The following MYL12B variants were observed in gnomAD, a reference collection of about 807,000 sequenced individuals.
MYL12B encodes the protein myosin light chain 12B, also known as myosin regulatory light chain 12B.
In MYL12B, 3 loss-of-function variants were observed where a neutral mutation model predicts 12.9. The ratio of observed to expected loss-of-function variants is 0.23; its 90% CI spans 0.11 to 0.60. MYL12B has a LOEUF of 0.60. Among genes scored for constraint, MYL12B ranks in the 20% least tolerant of loss-of-function variants. MYL12B has a pLI of 0.89. For missense variants in MYL12B, 120 were observed against 215.4 expected (o/e 0.56, Z 2.77); for synonymous variants, 57 against 71.9 (o/e 0.79, Z 1.05).
chr18:3,277,260 T>C lies in MYL12B; in HGVS notation c.192T>C (p.Asn64=). The change falls in exon 3 of 4, where the codon AAT becomes AAC. Residue 64 remains asparagine (N), a synonymous_variant. Coordinates refer to ENST00000237500, the MANE Select transcript of MYL12B (RefSeq NM_033546.4). ...LHDMLASLGK[N]PTDAYLDAMM... ...AAATGTGTATTCTTACAGGGAAGAA[T>C]CCCACTGATGCATACCTTGATGCCA... 6.3e-7 allele frequency: 1 copy of C among 1,587,790 alleles called. No individual in the cohort carries two copies. The highest frequency in any genetic ancestry group is 8.6e-7 in the Non-Finnish European group (1 of 1,168,298).
At chr18:3,265,377 A>G (rs1341243677) in intron 1 of MYL12B, among the ~76,000 whole-genome samples, 1 of 152,234 alleles carries the variant, frequency 6.6e-6, no homozygotes, top group East Asian at 1.9e-4. Flanking sequence ...AGTAATAACC[A>G]TAAGAATCCA....
chr18:3,274,115 G>C (rs1027981483), intron 2 of MYL12B, among the ~76,000 whole-genome samples: 26 of 152,196 alleles, frequency 1.7e-4, no homozygotes, highest in East Asian at 1.9e-4. Flanking sequence ...TAGAATCAAA[G>C]ATTTTTATCT....
At chr18:3,276,420 A>T in intron 2 of MYL12B, 1 of 984,628 alleles carries the variant, frequency 1.0e-6, no homozygotes, top group Non-Finnish European at 1.2e-6. Flanking sequence ...GGGAAAGGTC[A>T]GGGGAGTTCC....
intron 2 of MYL12B, 131 bp downstream of exon 2, chr18:3,273,213 G>C (rs1237697906): frequency 2.9e-6 from 3 of 1,044,894 alleles, no homozygotes; most frequent in Non-Finnish European, 3.9e-6. Context: ...TTCTGGGTGT[G>C]GGAGGTGCTA....
At chr18:3,263,503 T>G (rs1470592150) in intron 1 of MYL12B, among the ~76,000 whole-genome samples, 1 of 152,238 alleles carries the variant, frequency 6.6e-6, no homozygotes, top group Non-Finnish European at 1.5e-5. Flanking sequence ...ACAGCTTTTA[T>G]GATGGCTGAC....
rs57723482 is a variant in MYL12B at position 3,273,861 on chromosome 18, T to TTTTC, written c.184+779_184+780insTTTC. Among the ~76,000 whole-genome samples, 992 of 142,978 alleles carry TTTTC rather than the reference T, an allele frequency of 6.9e-3. 3 individuals are homozygous for TTTTC. The highest frequency in any genetic ancestry group is 0.019 in the South Asian group (88 of 4,692). 93.8% of individuals were successfully genotyped at this position (142,978 alleles called of 152,430 possible). ...AAGAAAGAGGTGGGGGTTTTTTTTT[T>TTTTC]CTCTCTTTTAATGCCTACAAAATGA... On this transcript the variant is annotated intron_variant, in intron 2 of 3. Transcript: ENST00000237500.
At chr18:3,266,431 A>ATCTTATTGTCACAATG in intron 1 of MYL12B, among the ~76,000 whole-genome samples, 1 of 152,226 alleles carries the variant, frequency 6.6e-6, no homozygotes, top group Non-Finnish European at 1.5e-5. Flanking sequence ...TTGTCACAAT[A>ATCTTATTGTCACAATG]TCTTACTGGT....
At chr18:3,265,472 C>T (rs1188217201) in intron 1 of MYL12B, among the ~76,000 whole-genome samples, 1 of 152,170 alleles carries the variant, frequency 6.6e-6, no homozygotes, top group African/African-American at 2.4e-5. Context: ...AAGAACTACT[C>T]TCTGCTTTTC....
chr18:3,272,798 A>G (rs2081691654), intron 1 of MYL12B, 86 bp from the exon 2 acceptor site: 1 of 1,195,956 alleles, frequency 8.4e-7, no homozygotes, highest in Non-Finnish European at 1.1e-6. Flanking sequence ...ATTTTTACCT[A>G]CAGACTTTAG....
chr18:3,270,639 A>C (rs2144358782), intron 1 of MYL12B, among the ~76,000 whole-genome samples: 1 of 145,462 alleles, frequency 6.9e-6, no homozygotes, highest in South Asian at 2.2e-4. Context: ...TAACTGTAGA[A>C]GTAGCATGAT....
intron 2 of MYL12B, chr18:3,276,374 G>A (rs1224218596): frequency 1.0e-6 from 1 of 973,816 alleles, no homozygotes; most frequent in East Asian, 1.2e-4. Flanking sequence ...CTCCCACCAT[G>A]TCTGGCCATT....
At chr18:3,276,387 A>G (rs2081731618) in intron 2 of MYL12B, 12 of 982,248 alleles carry the variant, frequency 1.2e-5, no homozygotes, top group Admixed American at 6.2e-5. Flanking sequence ...TGGCCATTCC[A>G]GGGAGATTTC....
chr18:3,262,319 C>G (rs1457045867), intron 1 of MYL12B, 82 bp downstream of exon 1: 2 of 152,192 alleles, frequency 1.3e-5, no homozygotes, highest in Non-Finnish European at 2.9e-5. Flanking sequence ...CGCGCGCCTG[C>G]GGCCGGACCC....
At chr18:3,275,946 G>A (rs1038461519) in intron 2 of MYL12B, among the ~76,000 whole-genome samples, 2 of 152,080 alleles carry the variant, frequency 1.3e-5, no homozygotes, top group Non-Finnish European at 2.9e-5. Context: ...TGAAATAGAT[G>A]CCAACATGAT....
chr18:3,269,058 C>G (rs779084572), intron 1 of MYL12B, among the ~76,000 whole-genome samples: 3 of 152,056 alleles, frequency 2.0e-5, no homozygotes, highest in Non-Finnish European at 2.9e-5. Context: ...GGCATGGTAC[C>G]TTGGGGACAT....
rs544186593 is a variant in MYL12B, at chr18:3,276,602, T to C, written c.185-651T>C. 3.0e-5 allele frequency: 29 copies of C among 972,756 alleles called. No individual in the cohort carries two copies. The South Asian group carries it at 1.2e-3, about 41-fold the overall frequency. The allele number at this position is 972,756 out of a possible 1,614,324, so 60.3% of individuals were successfully genotyped here. On this transcript the variant is annotated intron_variant, in intron 2 of 3. Coordinates refer to ENST00000237500, the MANE Select transcript of MYL12B (RefSeq NM_033546.4). The stretch of plus-strand genomic sequence containing the variant: ...TCAAAACCATGCTAATAGTTTAAAC[T>C]TAAATGGCCAACTTATAAATACAAC...
chr18:3,265,171 A>C (rs1386480606), intron 1 of MYL12B, among the ~76,000 whole-genome samples: 1 of 152,336 alleles, frequency 6.6e-6, no homozygotes, highest in Non-Finnish European at 1.5e-5. Context: ...AAATACTTCT[A>C]ATAATTTATG....
rs1270066140 is a variant in MYL12B at position 3,272,922 on chromosome 18, C to G, written c.24C>G (p.Thr8=). The G allele has an allele frequency of 3.1e-6, 5 of 1,608,088 alleles. No individual in the cohort carries two copies. In the South Asian group the frequency reaches 3.3e-5, roughly 11 times the overall value. Residue 8 remains threonine, a synonymous_variant, in exon 2 of 4, where the codon ACC becomes ACG. Coordinates refer to ENST00000237500, the MANE Select transcript of MYL12B (RefSeq NM_033546.4). ...CCATGTCGAGCAAAAAGGCAAAGAC[C>G]AAGACCACCAAGAAGCGCCCTCAGC... MSSKKAK[T]KTTKKRPQRA...
At chr18:3,276,174 C>T (rs980940760) in intron 2 of MYL12B, among the ~76,000 whole-genome samples, 1 of 151,346 alleles carries the variant, frequency 6.6e-6, no homozygotes, top group Non-Finnish European at 1.5e-5. Context: ...CAATGTTAGA[C>T]TTTTTTAAAA....
Sources: gnomAD v4.1 joint callset for allele counts (sites outside exome capture counted in the v4.1 genomes callset) on GRCh38, gnomAD v4.1.1 for gene constraint, MANE v1.5 for transcripts, NCBI Gene and HGNC (gene_info 2026-07-23, HGNC 2026-07-21) for gene names.